The following PKP2 variants were observed in gnomAD, a reference collection of about 807,000 sequenced individuals.
The protein encoded by PKP2 is plakophilin-2.
In PKP2, 73 loss-of-function variants were observed where a neutral mutation model predicts 83.4. The observed-to-expected ratio is 0.88, with a 90% CI of 0.72 to 1.06. The LOEUF (loss-of-function observed/expected upper bound fraction) is 1.06. PKP2 is among the 50% of genes least tolerant of loss of function. PKP2 has a pLI of 0.00. For synonymous variants in PKP2, 409 were observed against 430.4 expected (o/e 0.95, Z 0.62); for missense variants, 966 against 1,065.4 (o/e 0.91, Z 1.30).
intron 6 of PKP2, among the ~76,000 whole-genome samples, chr12:32,834,330 AAGAGGG>A (rs1270636181): frequency 6.6e-6 from 1 of 152,214 alleles, no homozygotes; most frequent in African/African-American, 2.4e-5. Context: ...AGGGTTGGAT[AAGAGGG>A]AGAATAAAGG....
chr12:32,894,514 A>G (rs2138004177), intron 1 of PKP2: 1 of 152,310 alleles, frequency 6.6e-6, no homozygotes, highest in African/African-American at 2.4e-5. Context: ...ACAGACACAT[A>G]CTTCATATGT....
chr12:32,794,320 G>A, intron 11 of PKP2, among the ~76,000 whole-genome samples: 2 of 152,308 alleles, frequency 1.3e-5, no homozygotes, highest in South Asian at 4.1e-4. Context: ...TTATAAGTTG[G>A]TTGTTTGATA....
chr12:32,823,770 T>C (rs1956405886), intron 7 of PKP2, among the ~76,000 whole-genome samples: 1 of 151,958 alleles, frequency 6.6e-6, no homozygotes, highest in African/African-American at 2.4e-5. Flanking sequence ...CCGGCTATAT[T>C]TTTTGTATTT....
intron 4 of PKP2, among the ~76,000 whole-genome samples, chr12:32,867,961 C>T (rs1386216099): frequency 2.0e-5 from 3 of 152,036 alleles, no homozygotes; most frequent in Admixed American, 2.0e-4. Flanking sequence ...CCTACAGGAA[C>T]AGAAGTGTCA....
At chr12:32,813,751 C>T (rs1956297375) in intron 9 of PKP2, among the ~76,000 whole-genome samples, 2 of 150,464 alleles carry the variant, frequency 1.3e-5, no homozygotes, top group African/African-American at 4.9e-5. Flanking sequence ...CACTGCACTC[C>T]AGCCTGGGTG....
chr12:32,794,264 G>C (rs1005038850), intron 11 of PKP2, among the ~76,000 whole-genome samples: 1 of 152,142 alleles, frequency 6.6e-6, no homozygotes, highest in Non-Finnish European at 1.5e-5. Context: ...ATTCAAAACT[G>C]TAAAAAGTTA....
chr12:32,883,513 T>C (rs1280331932), intron 1 of PKP2, among the ~76,000 whole-genome samples: 1 of 152,238 alleles, frequency 6.6e-6, no homozygotes, highest in Non-Finnish European at 1.5e-5. Flanking sequence ...AACTCAGCCA[T>C]GTCCTTTTCT....
At chr12:32,864,686 C>G (rs1413667690) in intron 4 of PKP2, among the ~76,000 whole-genome samples, 1 of 152,130 alleles carries the variant, frequency 6.6e-6, no homozygotes, top group Admixed American at 6.6e-5. Flanking sequence ...TGATTCTAAA[C>G]TTCAAATGGA....
rs1240761802 is a variant in PKP2 at position 32,813,714 on chromosome 12, C to T, written c.2013+7642G>A. Among the ~76,000 whole-genome samples the T allele has an allele frequency of 2.7e-5, 4 of 150,182 alleles. No homozygotes were observed. In the Admixed American group the frequency reaches 2.7e-4, roughly 10 times the overall value. Reference sequence around the variant, plus strand: ...AGAGAATCACTTGAACCCTGGTGGTCAAGGCTGCAGTGAGCCATGATTATA... The same window carrying T: ...AGAGAATCACTTGAACCCTGGTGGTTAAGGCTGCAGTGAGCCATGATTATA... On this transcript the variant is annotated intron_variant, in intron 9 of 12. Coordinates refer to ENST00000340811, the MANE Select transcript of PKP2 (RefSeq NM_001005242.3).
At chr12:32,822,892 T>C (rs1374500618) in intron 7 of PKP2, among the ~76,000 whole-genome samples, 2 of 152,144 alleles carry the variant, frequency 1.3e-5, no homozygotes, top group Middle Eastern at 3.2e-3. Context: ...AACAACTGTA[T>C]AGCTTAGATA....
intron 1 of PKP2, among the ~76,000 whole-genome samples, chr12:32,879,795 C>T (rs1176376431): frequency 7.0e-6 from 1 of 142,220 alleles, no homozygotes; most frequent in Non-Finnish European, 1.5e-5. Flanking sequence ...TGCGCCATTG[C>T]ACTACAGCCT....
chr12:32,875,756 A>G (rs975943422), intron 3 of PKP2, among the ~76,000 whole-genome samples: 4 of 152,184 alleles, frequency 2.6e-5, no homozygotes, highest in Non-Finnish European at 4.4e-5. Flanking sequence ...GAAGATAAGA[A>G]TGACTTCCAG....
chr12:32,843,217 G>A lies in PKP2; in HGVS notation c.1379-2012C>T, dbSNP rs760461056. 1.2e-5 allele frequency: 8 copies of A among 661,376 alleles called. No homozygotes were observed. The highest frequency in any genetic ancestry group is 1.8e-5 in the African/African-American group (1 of 54,382). 41.0% of individuals were successfully genotyped at this position (661,376 alleles called of 1,614,324 possible). On this transcript the variant is annotated intron_variant, in intron 5 of 12. Coordinates refer to ENST00000340811, the MANE Select transcript of PKP2 (RefSeq NM_001005242.3). ...AGGCTGGTCTCGAACTCCTGACCTC[G>A]TGATCCGCCCGCCTTGGCCTCCCAA...
intron 3 of PKP2, among the ~76,000 whole-genome samples, chr12:32,869,950 G>A (rs982638565): frequency 6.6e-6 from 1 of 152,172 alleles, no homozygotes; most frequent in Non-Finnish European, 1.5e-5. Context: ...GATCGCTTGA[G>A]CTTGGGAGGT....
In PKP2 at chr12:32,824,049, T is replaced by C; in HGVS notation, c.1670A>G (p.Asp557Gly). The C allele has an allele frequency of 6.5e-7, 1 of 1,545,104 alleles. No homozygotes were observed. The highest frequency in any genetic ancestry group is 1.1e-5 in the South Asian group (1 of 89,708). ...RGTIADYQPD[D>G]KATENCVCIL... ...GATATTTATCTCTTGAATTACCTTG[T>C]CATCTGGCTGGTAATCTGCAATGGT... The change falls in exon 7 of 13, where the codon GAC becomes GGC. Residue 557 changes from aspartate to glycine, a missense_variant. Transcript: ENST00000340811.
At chr12:32,882,271 C>T (rs892196738) in intron 1 of PKP2, among the ~76,000 whole-genome samples, 1 of 152,080 alleles carries the variant, frequency 6.6e-6, no homozygotes, top group African/African-American at 2.4e-5. Flanking sequence ...TACTAATGGT[C>T]ATTTATGGAC....
intron 1 of PKP2, among the ~76,000 whole-genome samples, chr12:32,880,930 T>A (rs1207257267): frequency 1.3e-5 from 2 of 152,162 alleles, no homozygotes; most frequent in African/African-American, 4.8e-5. Flanking sequence ...AGAGGGAAAA[T>A]ATACTCAATT....
chr12:32,827,133 A>G (rs182178982), intron 6 of PKP2, among the ~76,000 whole-genome samples: 1 of 152,320 alleles, frequency 6.6e-6, no homozygotes, highest in Non-Finnish European at 1.5e-5. Flanking sequence ...TGGATGACTT[A>G]GCTTTGTTTA....
rs369837002 is a variant in PKP2 at position 32,796,150 on chromosome 12, G to T, written c.2316C>A (p.Thr772=). The change falls in exon 11 of 13, where the codon ACC becomes ACA. Residue 772 remains threonine (T), a synonymous_variant. Coordinates refer to ENST00000340811, the MANE Select transcript of PKP2 (RefSeq NM_001005242.3). ...SYQNARDLLN[T]GGIQKIMAIS... ...TGGCCATAATTTTCTGGATGCCCCC[G>T]GTGTTTAGAAGGTCGCGTGCATTCT... 1 of 1,613,958 alleles carries T rather than the reference G, an allele frequency of 6.2e-7. No homozygotes were observed. The highest frequency in any genetic ancestry group is 8.5e-7 in the Non-Finnish European group (1 of 1,180,022).
Sources: allele counts gnomAD v4.1 joint callset (sites outside exome capture counted in the v4.1 genomes callset), GRCh38; gene constraint gnomAD v4.1.1; transcripts MANE v1.5; gene names NCBI Gene and HGNC (gene_info 2026-07-23, HGNC 2026-07-21).